The following PLEKHA5 variants were observed in gnomAD, a reference collection of about 807,000 sequenced individuals.
The protein encoded by PLEKHA5 is pleckstrin homology domain-containing family A member 5.
In PLEKHA5, 55 loss-of-function variants were observed where a neutral mutation model predicts 181.9. That is an observed-to-expected ratio of 0.30 (90% CI 0.24 to 0.38). The LOEUF (loss-of-function observed/expected upper bound fraction) is 0.38, where lower values mean the gene tolerates loss of function less well. Among genes scored for constraint, PLEKHA5 ranks in the 10% least tolerant of loss-of-function variants. The probability of loss-of-function intolerance (pLI) is 1.00; values close to 1 mark genes in which losing one functional copy is unlikely to be tolerated. For missense variants in PLEKHA5, 1,432 were observed against 1,549.5 expected, an observed-to-expected ratio of 0.92 and a Z score of 1.27; for synonymous variants, 535 against 529.4, an observed-to-expected ratio of 1.01 and a Z score of -0.15.
intron 25 of PLEKHA5, among the ~76,000 whole-genome samples, chr12:19,348,911 G>A (rs918445379): frequency 1.3e-4 from 20 of 152,164 alleles, no homozygotes; most frequent in South Asian, 4.1e-4. Flanking sequence ...GCAGTGAGCC[G>A]AGATCGCACC....
chr12:19,337,301 C>T (rs907445221), intron 21 of PLEKHA5, among the ~76,000 whole-genome samples: 28 of 151,886 alleles, frequency 1.8e-4, no homozygotes, highest in African/African-American at 6.5e-4. Flanking sequence ...GCCTATAGTC[C>T]CAGCACTTTC....
intron 26 of PLEKHA5, among the ~76,000 whole-genome samples, chr12:19,356,049 C>T (rs1159855661): frequency 6.6e-6 from 1 of 151,838 alleles, no homozygotes; most frequent in East Asian, 1.9e-4. Flanking sequence ...CCTGTAGTCT[C>T]AGCTACTCGG....
chr12:19,246,352 C>T (rs886491357), intron 3 of PLEKHA5, among the ~76,000 whole-genome samples: 7 of 151,308 alleles, frequency 4.6e-5, no homozygotes, highest in African/African-American at 7.3e-5. Flanking sequence ...AGGCTGGGTG[C>T]GGTGGCTCAC....
At chr12:19,357,922 G>A (rs1344051301) in intron 26 of PLEKHA5, among the ~76,000 whole-genome samples, 1 of 151,796 alleles carries the variant, frequency 6.6e-6, no homozygotes, top group Non-Finnish European at 1.5e-5. Flanking sequence ...TTATAGGTGT[G>A]AGCCACCACT....
At chr12:19,152,318 G>T (rs2040606473) in intron 3 of PLEKHA5, 2 of 152,180 alleles carry the variant, frequency 1.3e-5, no homozygotes, top group African/African-American at 2.4e-5. Flanking sequence ...AGGCAACAAA[G>T]TAAGCAGGAC....
At chr12:19,348,785 G>A (rs1218486156) in intron 25 of PLEKHA5, among the ~76,000 whole-genome samples, 1 of 151,892 alleles carries the variant, frequency 6.6e-6, no homozygotes, top group Admixed American at 6.6e-5. Context: ...ATTCCAAGTG[G>A]CATAAATAAA....
intron 20 of PLEKHA5, among the ~76,000 whole-genome samples, chr12:19,336,243 A>C (rs1255056180): frequency 6.6e-6 from 1 of 152,218 alleles, no homozygotes; most frequent in Non-Finnish European, 1.5e-5. Flanking sequence ...ATTTCCATTC[A>C]TGGAGAACTT....
chr12:19,230,383 T>G (rs567211085), intron 3 of PLEKHA5, among the ~76,000 whole-genome samples: 1 of 152,180 alleles, frequency 6.6e-6, no homozygotes, highest in Non-Finnish European at 1.5e-5. Flanking sequence ...CTTGGGTGGT[T>G]GATGGGACCG....
At chr12:19,180,939 G>C (rs1377537592) in intron 3 of PLEKHA5, among the ~76,000 whole-genome samples, 3 of 151,380 alleles carry the variant, frequency 2.0e-5, no homozygotes, top group African/African-American at 7.3e-5. Context: ...TGGAGCCTGG[G>C]GATCTGTTTT....
chr12:19,137,979 C>T (rs1046578940), intron 3 of PLEKHA5, among the ~76,000 whole-genome samples: 1 of 152,150 alleles, frequency 6.6e-6, no homozygotes, highest in Admixed American at 6.5e-5. Flanking sequence ...TTTTTCTTCC[C>T]TAATCTGGAT....
intron 15 of PLEKHA5, among the ~76,000 whole-genome samples, chr12:19,304,513 T>G (rs1320172553): frequency 1.3e-5 from 2 of 152,244 alleles, no homozygotes; most frequent in Admixed American, 6.5e-5. Flanking sequence ...TTGATCAGTA[T>G]CTGATATCAA....
chr12:19,270,212 A>T lies in PLEKHA5; in HGVS notation c.845+7A>T. 2.8e-6 allele frequency: 4 copies of T among 1,428,954 alleles called. No individual in the cohort carries two copies. Among genetic ancestry groups the T allele is most frequent in the Non-Finnish European group, 3.7e-6 (4 of 1,072,116 alleles). The allele number at this position is 1,428,954 out of a possible 1,614,324, so 88.5% of individuals were successfully genotyped here. On this transcript the variant is annotated splice_region_variant and intron_variant, in intron 10 of 31. Coordinates refer to ENST00000429027, the MANE Select transcript of PLEKHA5 (RefSeq NM_001256470.2). ...GAATTACCTTTAATTTCCGGTGAGT[A>T]CGTTTTTAATTGTTACCTTAAAGCT...
Position 19,320,057 on chromosome 12 carries a change from G to A in PLEKHA5, c.2154+1G>A, listed in dbSNP as rs758614223. 8.3e-6 allele frequency: 9 copies of A among 1,089,116 alleles called. No homozygotes were observed. The East Asian group carries it at 2.2e-4, about 26-fold the overall frequency. The allele number at this position is 1,089,116 out of a possible 1,614,324, so 67.5% of individuals were successfully genotyped here. A position where few individuals can be genotyped will look rare whatever the true frequency, so the allele number is the denominator to read the frequency against. On this transcript the variant is annotated splice_donor_variant, in intron 17 of 31. Coordinates refer to ENST00000429027, the MANE Select transcript of PLEKHA5 (RefSeq NM_001256470.2). LOFTEE classifies it high-confidence loss of function. ...GAAGAGCAAGATAAGTCTATATTGT[G>A]TATGTGTGTTTATATATTATATATA... is the stretch of plus-strand genomic sequence containing the variant.
At position 19,353,893 on chromosome 12, in the gene PLEKHA5, T is replaced by C. The variant is rs1173518731; in HGVS notation, c.3029T>C (p.Phe1010Ser). The change falls in exon 26 of 32, where the codon TTT becomes TCT. Residue 1010 changes from phenylalanine to serine, a missense_variant. Physicochemically the swap from Phe to Ser is radical, Grantham distance 155 (BLOSUM62 -2). Transcript: ENST00000429027. Reference protein sequence around the residue: ...IETSVVKGSHFPVGVVPPRAK... With the variant: ...IETSVVKGSHSPVGVVPPRAK... ...CTGTTTTAATTTTTAGGTTCCCACT[T>C]TCCTGTTGGAGTAGTCCCTCCAAGA... The C allele has an allele frequency of 1.3e-6, 2 of 1,550,204 alleles. No individual in the cohort carries two copies. The highest frequency in any genetic ancestry group is 1.7e-5 in the Admixed American group (1 of 59,502).
rs772794349 is a variant in PLEKHA5, at chr12:19,129,856, G to T, written c.57G>T (p.Gly19=). 119 of 1,606,956 alleles carry T rather than the reference G, an allele frequency of 7.4e-5. No homozygotes were observed. Among genetic ancestry groups the T allele is most frequent in the Non-Finnish European group, 1.0e-4 (118 of 1,177,160 alleles). Residue 19 remains glycine, a synonymous_variant, in exon 1 of 32, where the codon GGG becomes GGT. Coordinates refer to ENST00000429027, the MANE Select transcript of PLEKHA5 (RefSeq NM_001256470.2). ...CCCTGCCCCGGTCCTGGACTTACGG[G>T]ATCACCAGGGGCGGCCGAGTCTTCT... is the stretch of plus-strand genomic sequence containing the variant. ...WISLPRSWTY[G]ITRGGRVFFI...
intron 11 of PLEKHA5, among the ~76,000 whole-genome samples, chr12:19,282,859 C>T (rs1358385530): frequency 6.6e-6 from 1 of 151,952 alleles, no homozygotes; most frequent in South Asian, 2.1e-4. Context: ...AGATTAAAAT[C>T]TGTTAATAGT....
At chr12:19,317,765 A>T (rs746809416) in intron 16 of PLEKHA5, among the ~76,000 whole-genome samples, 9 of 152,076 alleles carry the variant, frequency 5.9e-5, no homozygotes, top group Non-Finnish European at 1.3e-4. Context: ...ATAAAATATA[A>T]CACATGTCCT....
At chr12:19,296,927 C>T (rs2079971344) in intron 15 of PLEKHA5, among the ~76,000 whole-genome samples, 1 of 152,156 alleles carries the variant, frequency 6.6e-6, no homozygotes, top group African/African-American at 2.4e-5. Context: ...TTGTTTCTTA[C>T]TCTTTTTCTT....
At chr12:19,139,300 T>G (rs958657444) in intron 3 of PLEKHA5, among the ~76,000 whole-genome samples, 5 of 152,052 alleles carry the variant, frequency 3.3e-5, no homozygotes, top group Non-Finnish European at 5.9e-5. Context: ...GTGGACATAT[T>G]AATGGTGGTT....
Sources: gnomAD v4.1 joint callset for allele counts (sites outside exome capture counted in the v4.1 genomes callset) on GRCh38, gnomAD v4.1.1 for gene constraint, MANE v1.5 for transcripts, NCBI Gene and HGNC (gene_info 2026-07-23, HGNC 2026-07-21) for gene names.